SNAP47: variants seen among roughly 807,000 people sequenced by gnomAD.
SNAP47 encodes synaptosomal-associated protein 47.
Under a neutral mutation model 31.4 loss-of-function variants are expected in SNAP47, and 20 were observed. The ratio of observed to expected loss-of-function variants is 0.64; its 90% CI spans 0.45 to 0.93. SNAP47 has a LOEUF of 0.93. Ranked by LOEUF, SNAP47 falls within the 40% of genes least tolerant of loss-of-function variation. SNAP47 has a pLI of 0.00. For missense variants in SNAP47, 492 were observed against 528.5 expected (o/e 0.93, Z 0.68); for synonymous variants, 194 against 213.4 (o/e 0.91, Z 0.79).
intron 4 of SNAP47, among the ~76,000 whole-genome samples, chr1:227,768,604 T>C (rs531860117): frequency 3.6e-4 from 55 of 152,226 alleles, no homozygotes; most frequent in Non-Finnish European, 6.6e-4. Context: ...CTGTCACTTT[T>C]TCCTCCCGGC....
intron 2 of SNAP47, among the ~76,000 whole-genome samples, chr1:227,758,494 G>A (rs1662833887): frequency 6.7e-6 from 1 of 149,084 alleles, no homozygotes; most frequent in Non-Finnish European, 1.5e-5. Flanking sequence ...TGGGTGTTGA[G>A]AGTGTGGGTG....
At chr1:227,735,428 G>A (rs1401734289), upstream of SNAP47, 29 of 1,531,952 alleles carry the variant, frequency 1.9e-5, no homozygotes, top group Non-Finnish European at 2.4e-5. Context: ...GGCTCGCCGC[G>A]GTCTTCACTG....
chr1:227,772,995 CTG>C (rs931516633), intron 4 of SNAP47, among the ~76,000 whole-genome samples: 4 of 152,160 alleles, frequency 2.6e-5, no homozygotes, highest in African/African-American at 9.7e-5. Context: ...GGGTCTCACT[CTG>C]TCTCCCAGGC....
intron 2 of SNAP47, among the ~76,000 whole-genome samples, chr1:227,753,874 G>T (rs1357062034): frequency 6.6e-6 from 1 of 152,072 alleles, no homozygotes. Flanking sequence ...ACAGCATCTA[G>T]GGGTGGATGT....
At chr1:227,755,635 C>T (rs1476353669) in intron 2 of SNAP47, among the ~76,000 whole-genome samples, 1 of 152,194 alleles carries the variant, frequency 6.6e-6, no homozygotes, top group Non-Finnish European at 1.5e-5. Context: ...TAATCCACCT[C>T]GGCCTCCTGA....
chr1:227,750,405 A>G (rs950696395), intron 2 of SNAP47, among the ~76,000 whole-genome samples: 1 of 152,224 alleles, frequency 6.6e-6, no homozygotes, highest in East Asian at 1.9e-4. Context: ...GCCAATTTCT[A>G]TTTAATCTCA....
intron 2 of SNAP47, among the ~76,000 whole-genome samples, chr1:227,752,948 A>G (rs1662469499): frequency 6.6e-6 from 1 of 152,238 alleles, no homozygotes; most frequent in Non-Finnish European, 1.5e-5. Context: ...GTTGGTTCCC[A>G]GAGCTGTTGA....
chr1:227,780,601 C>T lies in SNAP47; in HGVS notation c.1188C>T (p.Gly396=), dbSNP rs576366656. Residue 396 remains glycine, a synonymous_variant, in exon 5 of 5, where the codon GGC becomes GGT. Transcript: ENST00000617596. ...ELERQDEALD[G]VAAAVDRATL... ...AGAGACAAGACGAAGCCCTGGATGG[C>T]GTTGCAGCAGCTGTGGACAGGGCAA... The T allele has an allele frequency of 5.6e-6, 9 of 1,614,194 alleles. No individual in the cohort carries two copies. Among genetic ancestry groups the T allele is most frequent in the Admixed American group, 5.0e-5 (3 of 60,024 alleles).
chr1:227,728,957 G>A (rs1660473556), intron 1 of SNAP47, among the ~76,000 whole-genome samples: 1 of 152,168 alleles, frequency 6.6e-6, no homozygotes, highest in Non-Finnish European at 1.5e-5. Context: ...GGGGCGGCAG[G>A]CTGCAGAGGA....
intron 4 of SNAP47, chr1:227,770,541 C>T (rs1663734975): frequency 6.5e-6 from 1 of 154,756 alleles, no homozygotes; most frequent in Admixed American, 6.5e-5. Flanking sequence ...AGGTAACATC[C>T]CTTTCTTTCC....
upstream of SNAP47, chr1:227,732,699 TGA>T (rs1286424534): frequency 6.2e-7 from 1 of 1,609,920 alleles, no homozygotes; most frequent in Non-Finnish European, 8.5e-7. Context: ...AAGAGGCCAG[TGA>T]GCTAACACCA....
In SNAP47 at chr1:227,735,461, C is replaced by T; in HGVS notation, c.-84C>T. On this transcript the variant is annotated 5_prime_UTR_variant, in exon 1 of 5. Coordinates refer to ENST00000617596, the MANE Select transcript of SNAP47 (RefSeq NM_053052.4). The stretch of plus-strand genomic sequence containing the variant: ...CTGCGCAGGCGCCGAGCGGCCGAGG[C>T]GCCGCGGTCGGCTCTGGGACTCGTC... 7.0e-7 allele frequency: 1 copy of T among 1,436,596 alleles called. No individual in the cohort carries two copies. Among genetic ancestry groups the T allele is most frequent in the Non-Finnish European group, 9.0e-7 (1 of 1,105,780 alleles). The allele number at this position is 1,436,596 out of a possible 1,614,324, so 89.0% of individuals were successfully genotyped here. A position where few individuals can be genotyped will look rare whatever the true frequency, so the allele number is the denominator to read the frequency against.
At chr1:227,772,035 C>A (rs1385205511) in intron 4 of SNAP47, among the ~76,000 whole-genome samples, 1 of 152,088 alleles carries the variant, frequency 6.6e-6, no homozygotes, top group East Asian at 1.9e-4. Flanking sequence ...AGTGGGACTT[C>A]AGGCTTGGAG....
chr1:227,749,228 T>C (rs1414045004), intron 2 of SNAP47, among the ~76,000 whole-genome samples: 3 of 149,560 alleles, frequency 2.0e-5, no homozygotes, highest in African/African-American at 7.3e-5. Flanking sequence ...CCTAAGATGG[T>C]GTGTGTGGGG....
chr1:227,773,121 CA>C (rs1663928237), intron 4 of SNAP47, among the ~76,000 whole-genome samples: 1 of 148,532 alleles, frequency 6.7e-6, no homozygotes, highest in Non-Finnish European at 1.5e-5. Context: ...CCACCACGTC[CA>C]GCTAATTTTT....
At chr1:227,773,037 T>G (rs1226574714) in intron 4 of SNAP47, among the ~76,000 whole-genome samples, 1 of 152,070 alleles carries the variant, frequency 6.6e-6, no homozygotes, top group Non-Finnish European at 1.5e-5. Context: ...CTCGGTTCAC[T>G]GCAATCTCCG....
upstream of SNAP47, chr1:227,731,145 C>T (rs528656302): frequency 6.6e-6 from 1 of 152,428 alleles, no homozygotes; most frequent in East Asian, 1.9e-4. Context: ...CCAGGGGTCC[C>T]CGGGAGCTAG....
upstream of SNAP47, chr1:227,735,283 C>G (rs372506325): frequency 1.2e-6 from 2 of 1,606,344 alleles, no homozygotes; most frequent in African/African-American, 2.7e-5. Flanking sequence ...TCCAGCTCAG[C>G]ACGGGTCGAA....
At position 227,780,827 on chromosome 1, in the gene SNAP47, C is replaced by A. The variant is rs1572064284; in HGVS notation, c.*154C>A. The A allele has an allele frequency of 2.8e-6, 3 of 1,065,330 alleles. No homozygotes were observed. Among genetic ancestry groups the A allele is most frequent in the Non-Finnish European group, 4.0e-6 (3 of 754,214 alleles). The allele number at this position is 1,065,330 out of a possible 1,614,324, so 66.0% of individuals were successfully genotyped here. On this transcript the variant is annotated 3_prime_UTR_variant, in exon 5 of 5. Coordinates refer to ENST00000617596, the MANE Select transcript of SNAP47 (RefSeq NM_053052.4). ...TGTGGGGCTGCTTCTGCACCAGGGG[C>A]CTCCCCAGGTGTGCACCATGCCTGC...
Sources: gnomAD v4.1 joint callset for allele counts (sites outside exome capture counted in the v4.1 genomes callset) on GRCh38, gnomAD v4.1.1 for gene constraint, MANE v1.5 for transcripts, NCBI Gene and HGNC (gene_info 2026-07-23, HGNC 2026-07-21) for gene names.